The following FOXP1 variants were observed in gnomAD, a reference collection of about 807,000 sequenced individuals.
FOXP1 encodes the protein forkhead box P1.
Under a neutral mutation model 98.2 loss-of-function variants are expected in FOXP1, and 15 were observed. That is an observed-to-expected ratio of 0.15 (90% CI 0.10 to 0.24). The LOEUF (loss-of-function observed/expected upper bound fraction) is 0.24. FOXP1 is among the 10% of genes least tolerant of loss of function. The pLI is 1.00. For synonymous variants in FOXP1, 371 were observed against 314.5 expected (o/e 1.18, Z -1.90); for missense variants, 633 against 848.5 (o/e 0.75, Z 3.15).
chr3:70,977,160 T>C (rs2037738350), intron 16 of FOXP1, 118 bp from the exon 17 acceptor site: 2 of 733,572 alleles, frequency 2.7e-6, no homozygotes, highest in Admixed American at 4.1e-5. Context: ...AGAAAGGTTT[T>C]ACAAAATGAT....
chr3:71,044,612 C>T (rs2048781385), intron 10 of FOXP1, among the ~76,000 whole-genome samples: 1 of 152,182 alleles, frequency 6.6e-6, no homozygotes, highest in Admixed American at 6.5e-5. Flanking sequence ...AGGCCATGAA[C>T]AGGTATGTAA....
chr3:71,416,501 C>G (rs988827142), intron 3 of FOXP1, among the ~76,000 whole-genome samples: 2 of 151,150 alleles, frequency 1.3e-5, no homozygotes, highest in Non-Finnish European at 2.9e-5. Context: ...GCTATGATTA[C>G]ACTACTGCAC....
At chr3:71,541,622 AAATCTTTCAAGAG>A (rs986667272) in intron 2 of FOXP1, among the ~76,000 whole-genome samples, 1 of 152,196 alleles carries the variant, frequency 6.6e-6, no homozygotes. Context: ...TCACAGAAAC[AAATCTTTCAAGAG>A]AATCCGAGAT....
chr3:71,488,276 A>T (rs1257220704), intron 3 of FOXP1, among the ~76,000 whole-genome samples: 1 of 152,226 alleles, frequency 6.6e-6, no homozygotes, highest in African/African-American at 2.4e-5. Flanking sequence ...TTAATCTTAA[A>T]ATAGGAGTTG....
intron 3 of FOXP1, among the ~76,000 whole-genome samples, chr3:71,373,869 A>G (rs1163621274): frequency 1.3e-5 from 2 of 152,232 alleles, no homozygotes; most frequent in East Asian, 3.8e-4. Flanking sequence ...CTTGTAGCAA[A>G]GACAAAGGTG....
At chr3:71,394,117 C>T (rs530785894) in intron 3 of FOXP1, among the ~76,000 whole-genome samples, 1 of 152,340 alleles carries the variant, frequency 6.6e-6, no homozygotes, top group African/African-American at 2.4e-5. Flanking sequence ...CCCCAATTTC[C>T]AGAAGAGTCA....
At chr3:71,203,363 G>A (rs981119970) in intron 5 of FOXP1, among the ~76,000 whole-genome samples, 5 of 152,194 alleles carry the variant, frequency 3.3e-5, no homozygotes, top group African/African-American at 1.2e-4. Flanking sequence ...AAAGGACAAG[G>A]ACTGAGTTTA....
At chr3:70,968,347 T>G (rs2035415373) in intron 19 of FOXP1, 1 of 150,798 alleles carries the variant, frequency 6.6e-6, no homozygotes, top group Admixed American at 6.6e-5. Flanking sequence ...CACTAACTGC[T>G]TCTGCCTAAC....
intron 12 of FOXP1, among the ~76,000 whole-genome samples, chr3:71,003,090 T>C (rs1031559531): frequency 3.3e-5 from 5 of 152,208 alleles, no homozygotes; most frequent in African/African-American, 7.2e-5. Context: ...ACATGCCAGA[T>C]GCTACTGGAA....
At chr3:71,453,083 A>G (rs1290707703) in intron 3 of FOXP1, among the ~76,000 whole-genome samples, 2 of 152,102 alleles carry the variant, frequency 1.3e-5, no homozygotes, top group Admixed American at 1.3e-4. Flanking sequence ...TGCCATAACA[A>G]TTTGAGTTTC....
At chr3:71,568,894 G>A (rs1239454505) in intron 2 of FOXP1, among the ~76,000 whole-genome samples, 2 of 152,114 alleles carry the variant, frequency 1.3e-5, no homozygotes, top group Non-Finnish European at 2.9e-5. Context: ...TGATCCACCC[G>A]CCTTGGCCTG....
chr3:71,517,452 T>C lies in FOXP1; in HGVS notation c.-297-23897A>G, dbSNP rs537491000. Among the ~76,000 whole-genome samples the C allele has an allele frequency of 3.3e-5, 5 of 152,376 alleles. No homozygotes were observed. The South Asian group carries it at 1.0e-3, about 32-fold the overall frequency. ...AGGGATTATATTATCAGTAGTATTC[T>C]ATACCACTTTATTAACTGTCAGGGA... On this transcript the variant is annotated intron_variant, in intron 2 of 20. Transcript: ENST00000649528.
At chr3:71,115,317 T>TTTTATTTATTTA (rs10563814) in intron 6 of FOXP1, among the ~76,000 whole-genome samples, 14,866 of 144,030 alleles carry the variant, frequency 0.1, 1,048 homozygotes, top group South Asian at 0.22. Context: ...ATTATTATTA[T>TTTTATTTATTTA]TTTATTTATT....
At chr3:71,449,229 T>C (rs1249731782) in intron 3 of FOXP1, among the ~76,000 whole-genome samples, 3 of 152,196 alleles carry the variant, frequency 2.0e-5, no homozygotes, top group Non-Finnish European at 2.9e-5. Flanking sequence ...GCCCAAATTA[T>C]AGGAGGCAAG....
chr3:70,959,129 A>G lies in FOXP1; in HGVS notation c.*118T>C, dbSNP rs953070670. 2.6e-6 allele frequency: 3 copies of G among 1,174,120 alleles called. No individual in the cohort carries two copies. The highest frequency in any genetic ancestry group is 4.7e-5 in the East Asian group (2 of 42,688). 72.7% of individuals were successfully genotyped at this position (1,174,120 alleles called of 1,614,324 possible). A position where few individuals can be genotyped will look rare whatever the true frequency, so the allele number is the denominator to read the frequency against. On this transcript the variant is annotated 3_prime_UTR_variant, in exon 21 of 21. Coordinates refer to ENST00000649528, the MANE Select transcript of FOXP1 (RefSeq NM_001349338.3). ...ACACATTTCAGAGTTGTCAAAACGT[A>G]GTGAAAATCCTCCAGACTGTACAAC...
At chr3:71,390,948 G>T (rs1478241222) in intron 3 of FOXP1, among the ~76,000 whole-genome samples, 5 of 152,186 alleles carry the variant, frequency 3.3e-5, no homozygotes, top group African/African-American at 1.2e-4. Context: ...TTATTTGCAG[G>T]CAAAATCCTT....
intron 7 of FOXP1, among the ~76,000 whole-genome samples, chr3:71,096,560 G>A (rs938003191): frequency 6.6e-6 from 1 of 152,084 alleles, no homozygotes; most frequent in Non-Finnish European, 1.5e-5. Context: ...ACAAACAATG[G>A]AGGAAAATTA....
chr3:71,554,885 T>C (rs2046016956), intron 2 of FOXP1, among the ~76,000 whole-genome samples: 1 of 152,202 alleles, frequency 6.6e-6, no homozygotes, highest in Non-Finnish European at 1.5e-5. Flanking sequence ...CCCTGATTTG[T>C]ATATGCTTGG....
chr3:71,239,946 G>A (rs990939977), intron 5 of FOXP1, among the ~76,000 whole-genome samples: 2 of 152,178 alleles, frequency 1.3e-5, no homozygotes, highest in African/African-American at 4.8e-5. Context: ...ATTAGAAAAG[G>A]CAGCCTCCTA....
Sources: allele counts gnomAD v4.1 joint callset (sites outside exome capture counted in the v4.1 genomes callset), GRCh38; gene constraint gnomAD v4.1.1; transcripts MANE v1.5; gene names NCBI Gene and HGNC (gene_info 2026-07-23, HGNC 2026-07-21).